Variants in ARHGEF3 observed in about 807,000 individuals in gnomAD.
The protein encoded by ARHGEF3 is Rho guanine nucleotide exchange factor 3, also known as 59.8 kDA protein.
A neutral mutation model predicts 63.2 loss-of-function variants in ARHGEF3; 28 were observed. The ratio of observed to expected loss-of-function variants is 0.44; its 90% CI spans 0.33 to 0.61. The LOEUF is 0.61. Among genes scored for constraint, ARHGEF3 ranks in the 20% least tolerant of loss-of-function variants. ARHGEF3 has a pLI of 0.03. For synonymous variants in ARHGEF3, 266 were observed against 254.2 expected, an observed-to-expected ratio of 1.05 and a Z score of -0.44; for missense variants, 533 against 659.3, an observed-to-expected ratio of 0.81 and a Z score of 2.10.
At chr3:57,075,336 A>C (rs1241444563) in intron 1 of ARHGEF3, 1 of 167,096 alleles carries the variant, frequency 6.0e-6, no homozygotes, top group Non-Finnish European at 1.5e-5. Flanking sequence ...GAATGCTGTC[A>C]GTTTCTTTGA....
chr3:56,932,627 G>A (rs891985315), intron 3 of ARHGEF3, among the ~76,000 whole-genome samples: 3 of 152,188 alleles, frequency 2.0e-5, no homozygotes, highest in African/African-American at 7.2e-5. Flanking sequence ...CACATCTCTG[G>A]TGACTTCTGT....
chr3:56,868,598 G>C (rs2040334869), intron 4 of ARHGEF3, among the ~76,000 whole-genome samples: 1 of 152,086 alleles, frequency 6.6e-6, no homozygotes, highest in Non-Finnish European at 1.5e-5. Context: ...CCTGGCCTCA[G>C]GTGATCTGCC....
chr3:56,973,829 A>C (rs1701021387), intron 2 of ARHGEF3, among the ~76,000 whole-genome samples: 1 of 152,196 alleles, frequency 6.6e-6, no homozygotes, highest in Non-Finnish European at 1.5e-5. Context: ...TAAAATACAA[A>C]TTGACAGAGA....
At chr3:56,999,584 T>C (rs532386092) in intron 2 of ARHGEF3, among the ~76,000 whole-genome samples, 21 of 152,320 alleles carry the variant, frequency 1.4e-4, no homozygotes, top group African/African-American at 5.1e-4. Context: ...GGCAGGAGGA[T>C]TGCTTGAAGC....
At chr3:56,878,125 A>T (rs1333224704) in intron 4 of ARHGEF3, among the ~76,000 whole-genome samples, 1 of 152,190 alleles carries the variant, frequency 6.6e-6, no homozygotes, top group Non-Finnish European at 1.5e-5. Context: ...TTTTATAAGA[A>T]AGAATGTCTG....
intron 2 of ARHGEF3, among the ~76,000 whole-genome samples, chr3:56,991,351 G>A (rs1387099727): frequency 6.6e-6 from 1 of 151,850 alleles, no homozygotes; most frequent in Non-Finnish European, 1.5e-5. Flanking sequence ...AAGATAGAAT[G>A]CTGTTAAAAA....
At chr3:56,801,487 G>A (rs2037645412) in intron 1 of ARHGEF3, among the ~76,000 whole-genome samples, 1 of 152,248 alleles carries the variant, frequency 6.6e-6, no homozygotes, top group Non-Finnish European at 1.5e-5. Context: ...TTGGTCCACA[G>A]AGAAAAAGCG....
upstream of ARHGEF3, among the ~76,000 whole-genome samples, chr3:56,803,870 A>G (rs1035972239): frequency 6.8e-6 from 1 of 147,920 alleles, no homozygotes; most frequent in Non-Finnish European, 1.5e-5. Flanking sequence ...AAAATATTAT[A>G]ATTATCATAT....
In ARHGEF3 at chr3:56,862,125, T is replaced by C. The variant is rs2040096828; in HGVS notation, c.192+20167A>G. On this transcript the variant is annotated intron_variant, in intron 4 of 12. Coordinates refer to the ARHGEF3 transcript ENST00000338458. ...CTGACCCTCCCCACCCACCCACCTT[T>C]TGGGACTTTAAAAGGAATGGTATGG... 2.6e-5 allele frequency among the ~76,000 whole-genome samples: 4 copies of C among 151,546 alleles called. No individual in the cohort carries two copies. In the South Asian group the frequency reaches 8.4e-4, roughly 32 times the overall value.
At chr3:56,865,052 T>C (rs1421606728) in intron 4 of ARHGEF3, among the ~76,000 whole-genome samples, 2 of 152,154 alleles carry the variant, frequency 1.3e-5, no homozygotes, top group Non-Finnish European at 2.9e-5. Flanking sequence ...CCTCCCTTCA[T>C]ACCATCCCTA....
intron 2 of ARHGEF3, among the ~76,000 whole-genome samples, chr3:56,967,554 T>TTATATAA (rs1468602741): frequency 1.1e-5 from 1 of 87,726 alleles, no homozygotes; most frequent in Non-Finnish European, 2.0e-5. Context: ...ATTATGTACA[T>TTATATAA]TATATAATAT....
intron 1 of ARHGEF3, chr3:56,775,714 T>C (rs989826569): frequency 1.0e-6 from 1 of 984,526 alleles, no homozygotes; most frequent in South Asian, 4.7e-5. Flanking sequence ...TCTTGAGCAT[T>C]TGTGCTCAGA....
At chr3:56,985,734 A>G (rs1030037885) in intron 2 of ARHGEF3, among the ~76,000 whole-genome samples, 1 of 151,562 alleles carries the variant, frequency 6.6e-6, no homozygotes, top group African/African-American at 2.4e-5. Flanking sequence ...ACGCACATTC[A>G]CCATGCCTCC....
chr3:56,737,961 C>G (rs775859807), intron 7 of ARHGEF3, among the ~76,000 whole-genome samples: 2 of 152,046 alleles, frequency 1.3e-5, no homozygotes, highest in African/African-American at 4.8e-5. Context: ...CTCTGCCTCC[C>G]AGGTTCAAGC....
intron 2 of ARHGEF3, among the ~76,000 whole-genome samples, chr3:56,972,467 T>C (rs147292885): frequency 3.3e-5 from 5 of 152,208 alleles, no homozygotes; most frequent in Non-Finnish European, 7.3e-5. Context: ...GGAAAAAATA[T>C]AGTTCCTCTT....
At chr3:56,829,561 T>A (rs1381719117) in intron 4 of ARHGEF3, among the ~76,000 whole-genome samples, 1 of 152,138 alleles carries the variant, frequency 6.6e-6, no homozygotes, top group East Asian at 1.9e-4. Context: ...AGCCTCCCTT[T>A]AAGAGGTAAT....
intron 1 of ARHGEF3, chr3:57,074,327 T>A: frequency 6.9e-7 from 1 of 1,451,420 alleles, no homozygotes; most frequent in African/African-American, 1.4e-5. Flanking sequence ...CCTTTGCACA[T>A]GCTATGCCCT....
intron 1 of ARHGEF3, among the ~76,000 whole-genome samples, chr3:57,070,320 T>A (rs1705814668): frequency 6.6e-6 from 1 of 152,136 alleles, no homozygotes; most frequent in African/African-American, 2.4e-5. Context: ...ATTCAGGAGT[T>A]AAATGTCTTA....
At chr3:56,830,651 C>T (rs2038901627) in intron 4 of ARHGEF3, among the ~76,000 whole-genome samples, 1 of 152,200 alleles carries the variant, frequency 6.6e-6, no homozygotes, top group Non-Finnish European at 1.5e-5. Flanking sequence ...GGATGAGGCC[C>T]TGCGGGATCT....
Sources: gnomAD v4.1 joint callset for allele counts (sites outside exome capture counted in the v4.1 genomes callset) on GRCh38, gnomAD v4.1.1 for gene constraint, MANE v1.5 for transcripts, NCBI Gene and HGNC (gene_info 2026-07-23, HGNC 2026-07-21) for gene names.